CCDC171: variants seen among roughly 807,000 people sequenced by gnomAD.
The protein encoded by CCDC171 is coiled-coil domain-containing protein 171.
Under a neutral mutation model 168.2 loss-of-function variants are expected in CCDC171, and 177 were observed. That is an observed-to-expected ratio of 1.05 (90% CI 0.93 to 1.19). The LOEUF (loss-of-function observed/expected upper bound fraction) is 1.19, where lower values mean the gene tolerates loss of function less well. Among genes scored for constraint, CCDC171 ranks in the 50% most tolerant of loss-of-function variants. The pLI, the probability that CCDC171 is intolerant of heterozygous loss-of-function variation, is 0.00. For synonymous variants in CCDC171, 687 were observed against 540.8 expected, an observed-to-expected ratio of 1.27 and a Z score of -3.75; for missense variants, 1,991 against 1,539.0, an observed-to-expected ratio of 1.29 and a Z score of -4.91.
At chr9:15,789,737 G>C (rs1317765594) in intron 21 of CCDC171, among the ~76,000 whole-genome samples, 1 of 151,298 alleles carries the variant, frequency 6.6e-6, no homozygotes, top group Admixed American at 6.6e-5. Context: ...ATCTCCTAAC[G>C]CTATACCTTC....
chr9:16,087,146 C>T, the CCDC171 span, among the ~76,000 whole-genome samples: 1 of 152,120 alleles, frequency 6.6e-6, no homozygotes. Context: ...TGCTTTACTT[C>T]CAATTATGTG....
At chr9:15,697,934 A>C (rs920745629) in intron 11 of CCDC171, among the ~76,000 whole-genome samples, 3 of 152,210 alleles carry the variant, frequency 2.0e-5, no homozygotes, top group Non-Finnish European at 4.4e-5. Flanking sequence ...ACATGCATGA[A>C]ATATGTGTAA....
intron 25 of CCDC171, among the ~76,000 whole-genome samples, chr9:15,932,373 T>C (rs1265004775): frequency 6.6e-6 from 1 of 151,884 alleles, no homozygotes; most frequent in Non-Finnish European, 1.5e-5. Context: ...TTATAGCTAT[T>C]GTAAACGGAA....
chr9:15,686,370 A>G (rs1232059756), intron 10 of CCDC171, among the ~76,000 whole-genome samples: 1 of 152,064 alleles, frequency 6.6e-6, no homozygotes, highest in Non-Finnish European at 1.5e-5. Flanking sequence ...TGGTGCTAAC[A>G]ATCTTGGTCA....
At chr9:16,058,256 A>C (rs1293796735) in intron 1 of CCDC171, among the ~76,000 whole-genome samples, 2 of 151,650 alleles carry the variant, frequency 1.3e-5, no homozygotes, top group Admixed American at 1.3e-4. Flanking sequence ...CCTATGACTG[A>C]CTCAGGCCCC....
intron 11 of CCDC171, among the ~76,000 whole-genome samples, chr9:15,700,149 G>T (rs1043590823): frequency 1.3e-5 from 2 of 152,174 alleles, no homozygotes; most frequent in African/African-American, 2.4e-5. Context: ...GGGGTGGGAG[G>T]CAGGCATGGC....
intron 6 of CCDC171, among the ~76,000 whole-genome samples, chr9:16,025,093 C>T (rs1833249342): frequency 6.6e-6 from 1 of 152,216 alleles, no homozygotes; most frequent in Non-Finnish European, 1.5e-5. Context: ...TATGACCCAG[C>T]AACTTCATTC....
Position 15,745,657 on chromosome 9 carries a change from G to A in CCDC171, c.2671+26G>A, listed in dbSNP as rs370662413. The A allele has an allele frequency of 9.0e-6, 12 of 1,333,164 alleles. No homozygotes were observed. The African/African-American group carries it at 1.5e-4, about 17-fold the overall frequency. 82.6% of individuals were successfully genotyped at this position (1,333,164 alleles called of 1,614,324 possible). On this transcript the variant is annotated intron_variant, in intron 18 of 25. Transcript: ENST00000380701. ...GTATGGTTCCTTCTTTTATGTCCTT[G>A]CAAAATACATTTAAGAACAAATATC...
At chr9:15,613,241 A>G (rs953881960) in intron 6 of CCDC171, among the ~76,000 whole-genome samples, 43 of 152,192 alleles carry the variant, frequency 2.8e-4, no homozygotes, top group Non-Finnish European at 5.4e-4. Context: ...GATGATAACC[A>G]TCTTAGTGGC....
At chr9:15,869,513 GT>G (rs72548935) in intron 23 of CCDC171, among the ~76,000 whole-genome samples, 2 of 147,978 alleles carry the variant, frequency 1.4e-5, no homozygotes, top group African/African-American at 2.5e-5. Flanking sequence ...AAAGCGTAGT[GT>G]TTTTTTTTTG....
chr9:15,646,313 T>G (rs1337044368), intron 7 of CCDC171, among the ~76,000 whole-genome samples: 1 of 152,078 alleles, frequency 6.6e-6, no homozygotes, highest in East Asian at 1.9e-4. Flanking sequence ...GTAAAGACCA[T>G]CCATGCTAGG....
At chr9:15,965,455 C>A (rs1830706515) in intron 25 of CCDC171, among the ~76,000 whole-genome samples, 2 of 152,174 alleles carry the variant, frequency 1.3e-5, no homozygotes, top group African/African-American at 4.8e-5. Flanking sequence ...GATTCACATC[C>A]CTTTCTACCA....
chr9:15,847,467 T>C (rs2060947935), intron 22 of CCDC171, among the ~76,000 whole-genome samples: 2 of 152,074 alleles, frequency 1.3e-5, no homozygotes. Context: ...GGTAATCAAG[T>C]TGACATACAT....
At chr9:15,655,733 A>C (rs533094378) in intron 7 of CCDC171, among the ~76,000 whole-genome samples, 1 of 152,334 alleles carries the variant, frequency 6.6e-6, no homozygotes, top group African/African-American at 2.4e-5. Flanking sequence ...CAGCTCAATT[A>C]AAAAATGGTG....
intron 10 of CCDC171, among the ~76,000 whole-genome samples, chr9:15,689,955 A>G (rs1364616282): frequency 6.6e-6 from 1 of 152,208 alleles, no homozygotes; most frequent in Non-Finnish European, 1.5e-5. Context: ...TGGGGGAAAG[A>G]ATAATATTTT....
chr9:15,579,982 T>A (rs937127514), intron 4 of CCDC171, among the ~76,000 whole-genome samples: 1 of 152,152 alleles, frequency 6.6e-6, no homozygotes, highest in Non-Finnish European at 1.5e-5. Flanking sequence ...AGATTTAGAT[T>A]TAGGTCCTGG....
intron 16 of CCDC171, 40 bp downstream of exon 16, chr9:15,729,838 TCA>T: frequency 6.5e-7 from 1 of 1,548,610 alleles, no homozygotes; most frequent in South Asian, 1.2e-5. Flanking sequence ...AATGGGTTAC[TCA>T]GTGTAACCAT....
At chr9:16,081,207 TCTTG>T in the CCDC171 span, among the ~76,000 whole-genome samples, 1 of 152,228 alleles carries the variant, frequency 6.6e-6, no homozygotes, top group South Asian at 2.1e-4. Context: ...ATTCATTCTT[TCTTG>T]CTTGCTAATG....
rs2039004039 is a variant in CCDC171 at position 15,558,591 on chromosome 9, T to A, written c.-112+5289T>A. Among the ~76,000 whole-genome samples, 4 of 152,036 alleles carry A rather than the reference T, an allele frequency of 2.6e-5. 1 individual carries two copies. The highest frequency in any genetic ancestry group is 5.9e-5 in the Non-Finnish European group (4 of 67,958). The stretch of plus-strand genomic sequence containing the variant: ...GATCAGTGGTGATATCCCCTTTATC[T>A]TTTTTTATTACATCTTTGATTCTTC... On this transcript the variant is annotated intron_variant, in intron 1 of 25. Transcript: ENST00000380701.
Sources: allele counts gnomAD v4.1 joint callset (sites outside exome capture counted in the v4.1 genomes callset), GRCh38; gene constraint gnomAD v4.1.1; transcripts MANE v1.5; gene names NCBI Gene and HGNC (gene_info 2026-07-23, HGNC 2026-07-21).